The following LINGO2 variants were observed in gnomAD, a reference collection of about 807,000 sequenced individuals.
LINGO2 encodes the protein leucine-rich repeat and immunoglobulin-like domain-containing nogo receptor-interacting protein 2.
Under a neutral mutation model 30.6 loss-of-function variants are expected in LINGO2, and 14 were observed. That is an observed-to-expected ratio of 0.46 (90% CI 0.30 to 0.72). The LOEUF is 0.72. Ranked by LOEUF, LINGO2 falls within the 30% of genes least tolerant of loss-of-function variation. LINGO2 has a pLI of 0.07. For synonymous variants in LINGO2, 317 were observed against 288.5 expected (o/e 1.10, Z -1.00); for missense variants, 729 against 751.7 (o/e 0.97, Z 0.35).
At chr9:28,846,574 A>T in the LINGO2 span, among the ~76,000 whole-genome samples, 1 of 147,874 alleles carries the variant, frequency 6.8e-6, no homozygotes, top group East Asian at 2.0e-4. Flanking sequence ...AAATAAGTAG[A>T]CCTTGGTAAC....
intron 4 of LINGO2, among the ~76,000 whole-genome samples, chr9:28,068,191 A>G (rs548435482): frequency 6.6e-6 from 1 of 152,292 alleles, no homozygotes; most frequent in South Asian, 2.1e-4. Flanking sequence ...TCGGCCTGCC[A>G]TAACAAAATA....
At chr9:28,863,505 A>G in the LINGO2 span, 1 of 410,764 alleles carries the variant, frequency 2.4e-6, no homozygotes, top group African/African-American at 2.1e-5. Flanking sequence ...GAAGGATTCT[A>G]GAGTATATTT....
At chr9:28,384,552 A>G (rs1821499314) in intron 2 of LINGO2, among the ~76,000 whole-genome samples, 3 of 151,840 alleles carry the variant, frequency 2.0e-5, no homozygotes, top group Admixed American at 6.6e-5. Flanking sequence ...TTTTAAAACA[A>G]ACACTTCAGC....
chr9:28,404,599 T>C (rs1822415505), intron 2 of LINGO2, among the ~76,000 whole-genome samples: 1 of 152,180 alleles, frequency 6.6e-6, no homozygotes, highest in African/African-American at 2.4e-5. Flanking sequence ...AGCTAAAGCT[T>C]GGCTAGTGAG....
intron 1 of LINGO2, among the ~76,000 whole-genome samples, chr9:28,558,885 G>T (rs1256328923): frequency 6.6e-6 from 1 of 151,888 alleles, no homozygotes; most frequent in Non-Finnish European, 1.5e-5. Flanking sequence ...CCCAAAAAAA[G>T]AATCTATATA....
the LINGO2 span, among the ~76,000 whole-genome samples, chr9:28,687,578 A>G: frequency 6.6e-6 from 1 of 152,076 alleles, no homozygotes; most frequent in Non-Finnish European, 1.5e-5. Flanking sequence ...TACTCATTTG[A>G]GTCAACATAT....
At chr9:28,376,328 G>A (rs1821130386) in intron 2 of LINGO2, among the ~76,000 whole-genome samples, 1 of 152,160 alleles carries the variant, frequency 6.6e-6, no homozygotes, top group Non-Finnish European at 1.5e-5. Flanking sequence ...TTGAATAGCA[G>A]GGGCCATGGT....
intron 1 of LINGO2, among the ~76,000 whole-genome samples, chr9:28,602,461 T>A (rs572629675): frequency 6.6e-6 from 1 of 152,150 alleles, no homozygotes; most frequent in East Asian, 1.9e-4. Flanking sequence ...CTAAATGATA[T>A]GTTTTACTTA....
the LINGO2 span, among the ~76,000 whole-genome samples, chr9:28,979,578 T>G: frequency 6.6e-6 from 1 of 152,224 alleles, no homozygotes; most frequent in East Asian, 1.9e-4. Context: ...AAATGGGACC[T>G]TTGGCTATTT....
chr9:28,590,312 A>C (rs1824811934), intron 1 of LINGO2, among the ~76,000 whole-genome samples: 1 of 152,110 alleles, frequency 6.6e-6, no homozygotes, highest in Non-Finnish European at 1.5e-5. Flanking sequence ...AATGGGATCT[A>C]ATTAAACTAA....
chr9:29,190,222 AG>A, the LINGO2 span, among the ~76,000 whole-genome samples: 13 of 152,330 alleles, frequency 8.5e-5, no homozygotes, highest in African/African-American at 3.1e-4. Flanking sequence ...TTTTAGCACA[AG>A]CAACAGATTA....
the LINGO2 span, among the ~76,000 whole-genome samples, chr9:28,768,028 G>A: frequency 6.6e-6 from 1 of 152,110 alleles, no homozygotes; most frequent in Non-Finnish European, 1.5e-5. Context: ...TTAATAATTG[G>A]AGGTGCGAAA....
intron 1 of LINGO2, among the ~76,000 whole-genome samples, chr9:28,594,640 A>G (rs1377790674): frequency 2.0e-5 from 3 of 152,078 alleles, no homozygotes; most frequent in African/African-American, 7.2e-5. Flanking sequence ...CTATTTCACA[A>G]TTGTGTAATT....
the LINGO2 span, among the ~76,000 whole-genome samples, chr9:28,808,331 C>T: frequency 1.3e-5 from 2 of 152,094 alleles, no homozygotes; most frequent in African/African-American, 2.4e-5. Context: ...GATTTCATTG[C>T]CCTGAATTAT....
the LINGO2 span, among the ~76,000 whole-genome samples, chr9:29,166,477 T>G: frequency 3.3e-5 from 5 of 152,120 alleles, no homozygotes; most frequent in African/African-American, 1.2e-4. Flanking sequence ...TTGCCCCCAA[T>G]AGGCATTTGA....
At chr9:29,137,456 A>G in the LINGO2 span, among the ~76,000 whole-genome samples, 32 of 152,304 alleles carry the variant, frequency 2.1e-4, no homozygotes, top group Middle Eastern at 3.4e-3. Flanking sequence ...AGGTGTGTGT[A>G]TAGGGGAGGA....
At chr9:28,991,639 G>A in the LINGO2 span, among the ~76,000 whole-genome samples, 2 of 149,604 alleles carry the variant, frequency 1.3e-5, no homozygotes, top group African/African-American at 4.9e-5. Context: ...CCCACAAAGG[G>A]AAGCCCATCA....
At chr9:28,512,969 C>T (rs955394816) in intron 1 of LINGO2, among the ~76,000 whole-genome samples, 3 of 151,724 alleles carry the variant, frequency 2.0e-5, no homozygotes, top group Non-Finnish European at 2.9e-5. Flanking sequence ...ATCTGCCTTC[C>T]ACAGCCCACT....
chr9:28,291,103 T>G (rs1823711740), intron 4 of LINGO2, among the ~76,000 whole-genome samples: 1 of 152,172 alleles, frequency 6.6e-6, no homozygotes, highest in Admixed American at 6.5e-5. Context: ...CTGCCCTTCT[T>G]ACCCTGTCTC....
Sources: gnomAD v4.1 joint callset for allele counts (sites outside exome capture counted in the v4.1 genomes callset) on GRCh38, gnomAD v4.1.1 for gene constraint, MANE v1.5 for transcripts, NCBI Gene and HGNC (gene_info 2026-07-23, HGNC 2026-07-21) for gene names.